The following CLSTN2 variants were observed in gnomAD, a reference collection of about 807,000 sequenced individuals.
CLSTN2 encodes the protein calsyntenin 2, also known as calsyntenin-2.
CLSTN2 carries 48 observed loss-of-function variants against 101.2 expected under a neutral mutation model. The ratio of observed to expected loss-of-function variants is 0.47; its 90% CI spans 0.38 to 0.60. The LOEUF (loss-of-function observed/expected upper bound fraction) is 0.60, where lower values mean the gene tolerates loss of function less well. Ranked by LOEUF, CLSTN2 falls within the 20% of genes least tolerant of loss-of-function variation. The pLI, the probability that CLSTN2 is intolerant of heterozygous loss-of-function variation, is 0.00. For synonymous variants in CLSTN2, 481 were observed against 463.6 expected (o/e 1.04, Z -0.48); for missense variants, 1,160 against 1,238.2 (o/e 0.94, Z 0.95).
intron 9 of CLSTN2, among the ~76,000 whole-genome samples, chr3:140,534,811 G>T (rs905531850): frequency 6.6e-6 from 1 of 152,190 alleles, no homozygotes; most frequent in Non-Finnish European, 1.5e-5. Flanking sequence ...TGAAAATATT[G>T]TATTAACATT....
At chr3:140,530,286 G>A (rs898253313) in intron 8 of CLSTN2, among the ~76,000 whole-genome samples, 1 of 152,198 alleles carries the variant, frequency 6.6e-6, no homozygotes, top group African/African-American at 2.4e-5. Flanking sequence ...AAATTCTTAT[G>A]CAGTGTGATC....
chr3:140,203,469 T>G lies in CLSTN2; in HGVS notation c.232+27396T>G, dbSNP rs558542594. Among the ~76,000 whole-genome samples, 271 of 141,646 alleles carry G rather than the reference T, an allele frequency of 1.9e-3. 6 individuals are homozygous for G. The highest frequency in any genetic ancestry group is 1.1e-3 in the Non-Finnish European group (72 of 64,560). The allele number at this position is 141,646 out of a possible 152,430, so 92.9% of individuals were successfully genotyped here. ...GTTAAGAGAAAGTGTGGGTTTTTTT[T>G]TTTTTTTTTTTTTTTTTTTTTTGGT... On this transcript the variant is annotated intron_variant, in intron 2 of 16. Transcript: ENST00000458420.
Position 140,074,607 on chromosome 3 carries a change from T to A in CLSTN2, c.110-101344T>A, listed in dbSNP as rs150560411. Among the ~76,000 whole-genome samples the A allele has an allele frequency of 2.6e-5, 4 of 152,314 alleles. No homozygotes were observed. In the East Asian group the frequency reaches 7.7e-4, roughly 29 times the overall value. ...CAATGCAGCTGAGTACTCTTTAATG[T>A]TCATGACAACCTTTAAGGGAGAGAT... On this transcript the variant is annotated intron_variant, in intron 1 of 16. Coordinates refer to ENST00000458420, the MANE Select transcript of CLSTN2 (RefSeq NM_022131.3).
At chr3:140,535,130 A>T (rs1432932218) in intron 9 of CLSTN2, among the ~76,000 whole-genome samples, 1 of 152,236 alleles carries the variant, frequency 6.6e-6, no homozygotes, top group Non-Finnish European at 1.5e-5. Flanking sequence ...ACATTCATGC[A>T]TCTGCATATG....
intron 2 of CLSTN2, among the ~76,000 whole-genome samples, chr3:140,200,500 G>A (rs1467879933): frequency 6.6e-6 from 1 of 152,090 alleles, no homozygotes; most frequent in African/African-American, 2.4e-5. Context: ...CTGTGAAATG[G>A]CAATGCTAAT....
intron 1 of CLSTN2, among the ~76,000 whole-genome samples, chr3:140,083,843 A>G (rs78664555): frequency 6.6e-5 from 10 of 152,358 alleles, no homozygotes; most frequent in African/African-American, 2.2e-4. Context: ...TGAAGATATT[A>G]GCATGCATGT....
chr3:140,545,928 C>G (rs1422519983), intron 9 of CLSTN2, among the ~76,000 whole-genome samples: 1 of 152,180 alleles, frequency 6.6e-6, no homozygotes, highest in Non-Finnish European at 1.5e-5. Flanking sequence ...GTGAGAAAGC[C>G]AGAGCTCATA....
At chr3:140,366,872 G>A (rs527274465) in intron 2 of CLSTN2, among the ~76,000 whole-genome samples, 3 of 152,322 alleles carry the variant, frequency 2.0e-5, no homozygotes, top group East Asian at 3.9e-4. Context: ...GATGTCCTGG[G>A]CGTTGTGAAT....
At chr3:140,564,294 G>A in intron 16 of CLSTN2, 149 bp downstream of exon 16, 1 of 664,820 alleles carries the variant, frequency 1.5e-6, no homozygotes, top group Non-Finnish European at 2.6e-6. Context: ...TCCTGTCTCT[G>A]AGCTCCTCTA....
At chr3:140,176,363 TG>T (rs2010325307) in intron 2 of CLSTN2, among the ~76,000 whole-genome samples, 1 of 152,190 alleles carries the variant, frequency 6.6e-6, no homozygotes, top group African/African-American at 2.4e-5. Flanking sequence ...TTGGAGAAGT[TG>T]GGCTAGTAAG....
intron 1 of CLSTN2, among the ~76,000 whole-genome samples, chr3:140,082,824 G>T (rs548441074): frequency 3.3e-5 from 5 of 152,276 alleles, no homozygotes; most frequent in Admixed American, 1.3e-4. Context: ...GTGGTCCCTT[G>T]CTTCAGTGAA....
chr3:140,416,917 G>A (rs982208505), intron 4 of CLSTN2, among the ~76,000 whole-genome samples: 10 of 152,184 alleles, frequency 6.6e-5, no homozygotes, highest in Non-Finnish European at 1.2e-4. Context: ...ATGCTTCTGA[G>A]CCAAATGTAT....
At chr3:140,268,177 G>A (rs1000702599) in intron 2 of CLSTN2, among the ~76,000 whole-genome samples, 4 of 152,120 alleles carry the variant, frequency 2.6e-5, no homozygotes, top group African/African-American at 7.2e-5. Context: ...AGATGACTCT[G>A]AGACCCAATA....
chr3:140,310,518 A>G (rs547562466), intron 2 of CLSTN2, among the ~76,000 whole-genome samples: 92 of 152,122 alleles, frequency 6.0e-4, no homozygotes, highest in Admixed American at 5.1e-3. Flanking sequence ...ACTGTCATCA[A>G]TGTCTGCAAG....
intron 1 of CLSTN2, among the ~76,000 whole-genome samples, chr3:140,024,799 G>C (rs1423027410): frequency 6.6e-6 from 1 of 152,162 alleles, no homozygotes; most frequent in Non-Finnish European, 1.5e-5. Flanking sequence ...AAAATGGAGT[G>C]GTAATTCTTG....
intron 8 of CLSTN2, among the ~76,000 whole-genome samples, chr3:140,505,361 A>G (rs556457408): frequency 2.9e-4 from 44 of 152,284 alleles, no homozygotes; most frequent in African/African-American, 1.0e-3. Context: ...TCCATTATAA[A>G]TGCACATTGT....
chr3:140,299,120 C>G (rs2087030170), intron 2 of CLSTN2, among the ~76,000 whole-genome samples: 1 of 152,128 alleles, frequency 6.6e-6, no homozygotes. Context: ...GTCAAGTGCT[C>G]CCTCCTGCAG....
chr3:140,298,208 TGATTTTG>T (rs1275652780), intron 2 of CLSTN2, among the ~76,000 whole-genome samples: 10 of 152,264 alleles, frequency 6.6e-5, no homozygotes, highest in African/African-American at 2.4e-4. Context: ...ACTAGCTGTG[TGATTTTG>T]GCCAAATCAC....
chr3:140,506,262 G>A (rs987770187), intron 8 of CLSTN2: 1 of 152,120 alleles, frequency 6.6e-6, no homozygotes, highest in Admixed American at 6.6e-5. Context: ...GCTTCCCCTG[G>A]CAAGTCCTTA....
Sources: allele counts gnomAD v4.1 joint callset (sites outside exome capture counted in the v4.1 genomes callset), GRCh38; gene constraint gnomAD v4.1.1; transcripts MANE v1.5; gene names NCBI Gene and HGNC (gene_info 2026-07-23, HGNC 2026-07-21).